The following KCNH8 variants were observed in gnomAD, a reference collection of about 807,000 sequenced individuals.
KCNH8 encodes potassium voltage-gated channel subfamily H member 8.
In KCNH8, 70 loss-of-function variants were observed where a neutral mutation model predicts 103.6. The ratio of observed to expected loss-of-function variants is 0.68; its 90% confidence interval spans 0.56 to 0.82. The LOEUF (loss-of-function observed/expected upper bound fraction) is 0.82, where lower values mean the gene tolerates loss of function less well. Among genes scored for constraint, KCNH8 ranks in the 40% least tolerant of loss-of-function variants. The pLI, the probability that KCNH8 is intolerant of heterozygous loss-of-function variation, is 0.00. For missense variants in KCNH8, 1,217 were observed against 1,329.9 expected, an observed-to-expected ratio of 0.92 and a Z score of 1.32; for synonymous variants, 498 against 489.4, an observed-to-expected ratio of 1.02 and a Z score of -0.23.
intron 1 of KCNH8, among the ~76,000 whole-genome samples, chr3:19,213,894 C>T (rs1394493282): frequency 6.6e-6 from 1 of 152,146 alleles, no homozygotes; most frequent in Non-Finnish European, 1.5e-5. Context: ...AAACACAGTC[C>T]CTCTGCAAGC....
At chr3:19,161,729 G>A (rs1198491820) in intron 1 of KCNH8, among the ~76,000 whole-genome samples, 1 of 152,178 alleles carries the variant, frequency 6.6e-6, no homozygotes, top group Non-Finnish European at 1.5e-5. Flanking sequence ...GTAGAGCACA[G>A]TAACATGGCA....
At chr3:19,258,825 T>G (rs2064379803) in intron 2 of KCNH8, among the ~76,000 whole-genome samples, 1 of 151,354 alleles carries the variant, frequency 6.6e-6, no homozygotes, top group South Asian at 2.1e-4. Flanking sequence ...TATTATATCT[T>G]CTGCTCTAGT....
chr3:19,354,532 G>C (rs2065851111), intron 5 of KCNH8, among the ~76,000 whole-genome samples: 1 of 152,048 alleles, frequency 6.6e-6, no homozygotes. Context: ...CCAAAACAGA[G>C]ATATAGACCA....
Position 19,365,766 on chromosome 3 carries a change from T to A in KCNH8, c.811+17801T>A, listed in dbSNP as rs2066003472. Reference sequence around the variant, plus strand: ...TTAATTTAAATGGCATGCTTGATAGTGACAGGTTGCACGTAGAAAAATAAA... The same window carrying A: ...TTAATTTAAATGGCATGCTTGATAGAGACAGGTTGCACGTAGAAAAATAAA... On this transcript the variant is annotated intron_variant, in intron 5 of 15. Transcript: ENST00000328405. Among the ~76,000 whole-genome samples, 6 of 152,092 alleles carry A rather than the reference T, an allele frequency of 3.9e-5. No individual in the cohort carries two copies. The South Asian group carries it at 1.2e-3, about 32-fold the overall frequency.
intron 1 of KCNH8, among the ~76,000 whole-genome samples, chr3:19,182,399 C>T (rs2125203322): frequency 6.6e-6 from 1 of 152,234 alleles, no homozygotes. Flanking sequence ...GGCGTGGTGG[C>T]AGGTGCCTGT....
chr3:19,347,454 T>A (rs963406625), intron 4 of KCNH8, among the ~76,000 whole-genome samples: 5 of 152,044 alleles, frequency 3.3e-5, no homozygotes, highest in Admixed American at 6.6e-5. Context: ...ACATTTTAGG[T>A]AATGGTCTTT....
At chr3:19,396,205 T>C (rs1435509044) in intron 7 of KCNH8, among the ~76,000 whole-genome samples, 2 of 152,012 alleles carry the variant, frequency 1.3e-5, no homozygotes, top group African/African-American at 4.8e-5. Flanking sequence ...TCTTGAACTT[T>C]TGGAAGAAGC....
chr3:19,338,172 C>CT (rs2065611024), intron 3 of KCNH8, among the ~76,000 whole-genome samples: 1 of 152,004 alleles, frequency 6.6e-6, no homozygotes, highest in South Asian at 2.1e-4. Context: ...GCTGGATGAG[C>CT]TGTCTGACTT....
chr3:19,213,457 CT>C (rs977954852), intron 1 of KCNH8, among the ~76,000 whole-genome samples: 3 of 152,016 alleles, frequency 2.0e-5, no homozygotes, highest in African/African-American at 7.2e-5. Flanking sequence ...TATTTCCCCC[CT>C]AGGATGTCTA....
At chr3:19,316,884 C>G (rs1015643695) in intron 3 of KCNH8, among the ~76,000 whole-genome samples, 3 of 151,898 alleles carry the variant, frequency 2.0e-5, no homozygotes, top group African/African-American at 7.2e-5. Flanking sequence ...CTTTCCAGCT[C>G]CATTTCTGGC....
intron 5 of KCNH8, among the ~76,000 whole-genome samples, chr3:19,369,499 A>AT (rs1407673860): frequency 2.0e-5 from 3 of 151,868 alleles, no homozygotes; most frequent in African/African-American, 7.3e-5. Context: ...ATCATGGGAG[A>AT]TTGTTTCGCC....
chr3:19,501,638 A>G (rs1281635039), intron 11 of KCNH8, among the ~76,000 whole-genome samples: 2 of 152,248 alleles, frequency 1.3e-5, no homozygotes, highest in Non-Finnish European at 2.9e-5. Context: ...AAATCAATAA[A>G]TGTAATCCAG....
At chr3:19,188,090 T>G (rs895866282) in intron 1 of KCNH8, among the ~76,000 whole-genome samples, 12 of 152,036 alleles carry the variant, frequency 7.9e-5, no homozygotes, top group African/African-American at 2.9e-4. Flanking sequence ...TAATAAAGTT[T>G]TCCTGGAAAA....
At chr3:19,506,551 C>T (rs1039783713) in intron 11 of KCNH8, among the ~76,000 whole-genome samples, 1 of 152,138 alleles carries the variant, frequency 6.6e-6, no homozygotes, top group Non-Finnish European at 1.5e-5. Context: ...TGCAGCTATG[C>T]TCCCTCTCAG....
intron 8 of KCNH8, among the ~76,000 whole-genome samples, chr3:19,445,738 G>C (rs944897142): frequency 6.6e-6 from 1 of 151,860 alleles, no homozygotes; most frequent in African/African-American, 2.4e-5. Context: ...TGGGGATGAA[G>C]GGATGGGTTT....
At chr3:19,483,461 G>A (rs1365434944) in intron 11 of KCNH8, among the ~76,000 whole-genome samples, 2 of 152,016 alleles carry the variant, frequency 1.3e-5, no homozygotes, top group Non-Finnish European at 2.9e-5. Flanking sequence ...ACTAGAAATT[G>A]TCAGGGTGAT....
At chr3:19,224,364 C>T (rs888040107) in intron 1 of KCNH8, among the ~76,000 whole-genome samples, 1 of 151,966 alleles carries the variant, frequency 6.6e-6, no homozygotes, top group Non-Finnish European at 1.5e-5. Context: ...GGAAATTAGT[C>T]TAGTGATGGT....
chr3:19,281,395 T>C (rs2064755640), intron 3 of KCNH8, 66 bp downstream of exon 3: 10 of 1,450,682 alleles, frequency 6.9e-6, no homozygotes, highest in Middle Eastern at 5.0e-4. Flanking sequence ...ACTTAAAAAC[T>C]CTTGGAGAAA....
intron 11 of KCNH8, among the ~76,000 whole-genome samples, chr3:19,508,216 T>C (rs769781889): frequency 4.6e-5 from 7 of 152,154 alleles, no homozygotes; most frequent in Non-Finnish European, 8.8e-5. Context: ...GTTTTCACTG[T>C]GTCTATGCCA....
Sources: gnomAD v4.1 joint callset for allele counts (sites outside exome capture counted in the v4.1 genomes callset) on GRCh38, gnomAD v4.1.1 for gene constraint, MANE v1.5 for transcripts, NCBI Gene and HGNC (gene_info 2026-07-23, HGNC 2026-07-21) for gene names.